Variants in TEK observed in about 807,000 individuals in gnomAD.
TEK encodes TEK receptor tyrosine kinase.
A neutral mutation model predicts 131.8 loss-of-function variants in TEK; 43 were observed. The ratio of observed to expected loss-of-function variants is 0.33; its 90% confidence interval spans 0.26 to 0.42. The LOEUF (loss-of-function observed/expected upper bound fraction) is 0.42. Ranked by LOEUF, TEK falls within the 10% of genes least tolerant of loss-of-function variation. The pLI is 1.00. For synonymous variants in TEK, 580 were observed against 491.6 expected (o/e 1.18, Z -2.38); for missense variants, 1,162 against 1,384.4 (o/e 0.84, Z 2.55).
intron 1 of TEK, among the ~76,000 whole-genome samples, chr9:27,111,799 AT>A (rs1200667039): frequency 1.3e-5 from 2 of 152,200 alleles, no homozygotes; most frequent in African/African-American, 4.8e-5. Flanking sequence ...TAACAAAAAA[AT>A]CACTGTGATT....
At chr9:27,159,528 C>G (rs2077317) in intron 2 of TEK, among the ~76,000 whole-genome samples, 29,066 of 152,054 alleles carry the variant, frequency 0.19, 3,154 homozygotes, top group South Asian at 0.35. Context: ...GTCGAGTACC[C>G]AGGTCCAGCT....
chr9:27,223,947 G>GAAAT (rs1826194432), intron 21 of TEK, among the ~76,000 whole-genome samples: 1 of 152,186 alleles, frequency 6.6e-6, no homozygotes, highest in Non-Finnish European at 1.5e-5. Context: ...TGATCCCACA[G>GAAAT]AAATACAAAC....
chr9:27,117,885 T>TG (rs1821630536), intron 1 of TEK, among the ~76,000 whole-genome samples: 1 of 152,116 alleles, frequency 6.6e-6, no homozygotes, highest in Admixed American at 6.5e-5. Context: ...TCATGCTTCC[T>TG]GGGGGGAGCA....
chr9:27,208,637 T>A (rs1825488229), intron 15 of TEK, among the ~76,000 whole-genome samples: 1 of 152,192 alleles, frequency 6.6e-6, no homozygotes, highest in South Asian at 2.1e-4. Context: ...AGGCATGCAT[T>A]ATTGGTGATG....
chr9:27,119,890 C>CGTGTGT (rs147218863), intron 1 of TEK, among the ~76,000 whole-genome samples: 135 of 151,184 alleles, frequency 8.9e-4, no homozygotes, highest in African/African-American at 2.4e-3. Context: ...TGTGCACATG[C>CGTGTGT]GTGTGTGTGT....
intron 1 of TEK, among the ~76,000 whole-genome samples, chr9:27,143,770 T>G (rs2131090568): frequency 6.6e-6 from 1 of 152,288 alleles, no homozygotes; most frequent in East Asian, 1.9e-4. Flanking sequence ...GCAGCTGCTG[T>G]ATATAGGATC....
intron 4 of TEK, 132 bp from the exon 5 acceptor site, chr9:27,172,484 T>C (rs1002149364): frequency 6.9e-6 from 9 of 1,308,024 alleles, no homozygotes; most frequent in Admixed American, 2.0e-5. Flanking sequence ...GATGAGCTTT[T>C]AGAGAGCAGA....
intron 9 of TEK, among the ~76,000 whole-genome samples, chr9:27,186,944 T>A (rs1375697723): frequency 6.6e-6 from 1 of 152,184 alleles, no homozygotes; most frequent in Non-Finnish European, 1.5e-5. Context: ...TTATTACTTT[T>A]GGTTATAGGA....
intron 6 of TEK, among the ~76,000 whole-genome samples, chr9:27,178,044 C>A (rs780265174): frequency 1.1e-4 from 17 of 152,108 alleles, no homozygotes; most frequent in Non-Finnish European, 2.1e-4. Flanking sequence ...TTGCCCGGAT[C>A]AGTATCAAGA....
At chr9:27,214,069 C>A (rs1164527857) in intron 18 of TEK, among the ~76,000 whole-genome samples, 1 of 152,218 alleles carries the variant, frequency 6.6e-6, no homozygotes, top group Non-Finnish European at 1.5e-5. Flanking sequence ...TTTCTCTCTT[C>A]ACTGAAACCT....
intron 1 of TEK, among the ~76,000 whole-genome samples, chr9:27,142,961 G>A (rs1312668689): frequency 5.9e-5 from 9 of 152,146 alleles, no homozygotes; most frequent in African/African-American, 1.9e-4. Flanking sequence ...GTAACTATTC[G>A]TGTGTCATTG....
intron 1 of TEK, among the ~76,000 whole-genome samples, chr9:27,125,512 A>G (rs1298935431): frequency 6.6e-6 from 1 of 152,086 alleles, no homozygotes; most frequent in Non-Finnish European, 1.5e-5. Flanking sequence ...TATAACCCCT[A>G]CCAAGCCCAT....
At chr9:27,181,722 G>T (rs1244695236) in intron 7 of TEK, among the ~76,000 whole-genome samples, 1 of 152,072 alleles carries the variant, frequency 6.6e-6, no homozygotes, top group Non-Finnish European at 1.5e-5. Context: ...GACTGTATTT[G>T]CTCTCTTTAC....
At chr9:27,165,762 C>T (rs1490811816) in intron 2 of TEK, among the ~76,000 whole-genome samples, 5 of 152,184 alleles carry the variant, frequency 3.3e-5, no homozygotes, top group African/African-American at 9.6e-5. Context: ...CCAGCGCTCG[C>T]ACTGCTGGAA....
chr9:27,228,254 A>T lies in TEK; in HGVS notation c.3249A>T (p.Pro1083=), dbSNP rs1474008338. Residue 1083 remains proline (P), a synonymous_variant, in exon 22 of 23, where the codon CCA becomes CCT. Transcript: ENST00000380036. ...QCWREKPYER[P]SFAQILVSLN... ...GGCGGGAGAAGCCTTATGAGAGGCCATCATTTGCCCAGATATTGGTGTCCT... is the reference window on the plus strand; with the variant it reads ...GGCGGGAGAAGCCTTATGAGAGGCCTTCATTTGCCCAGATATTGGTGTCCT... 6.2e-7 allele frequency: 1 copy of T among 1,613,168 alleles called. No homozygotes were observed.
intron 13 of TEK, among the ~76,000 whole-genome samples, chr9:27,203,502 C>T (rs1244652287): frequency 2.6e-5 from 4 of 152,046 alleles, no homozygotes. Context: ...CTTTTTTTAG[C>T]TTGGATGACA....
intron 21 of TEK, among the ~76,000 whole-genome samples, chr9:27,220,630 G>C (rs1165022887): frequency 6.6e-6 from 1 of 152,212 alleles, no homozygotes; most frequent in Non-Finnish European, 1.5e-5. Context: ...GGACTGGTTA[G>C]ACAGTGGGTA....
intron 16 of TEK, chr9:27,210,515 G>A (rs1244103065): frequency 1.7e-5 from 3 of 175,700 alleles, no homozygotes; most frequent in East Asian, 1.5e-4. Flanking sequence ...CTGTGCTGAG[G>A]CTTTAGTGTT....
intron 1 of TEK, among the ~76,000 whole-genome samples, chr9:27,151,966 G>A (rs1823141619): frequency 6.6e-6 from 1 of 152,168 alleles, no homozygotes; most frequent in African/African-American, 2.4e-5. Flanking sequence ...CATTGCCACG[G>A]CCTTAATTCC....
Sources: gnomAD v4.1 joint callset for allele counts (sites outside exome capture counted in the v4.1 genomes callset) on GRCh38, gnomAD v4.1.1 for gene constraint, MANE v1.5 for transcripts, NCBI Gene and HGNC (gene_info 2026-07-23, HGNC 2026-07-21) for gene names.